The following PRUNE1 variants were observed in gnomAD, a reference collection of about 807,000 sequenced individuals.
PRUNE1 encodes exopolyphosphatase PRUNE1.
In PRUNE1, 25 loss-of-function variants were observed where a neutral mutation model predicts 42.5. The ratio of observed to expected loss-of-function variants is 0.59; its 90% CI spans 0.43 to 0.82. The LOEUF is 0.82. Ranked by LOEUF, PRUNE1 falls within the 40% of genes least tolerant of loss-of-function variation. PRUNE1 has a pLI of 0.00. For synonymous variants in PRUNE1, 203 were observed against 217.1 expected, an observed-to-expected ratio of 0.93 and a Z score of 0.57; for missense variants, 443 against 539.3, an observed-to-expected ratio of 0.82 and a Z score of 1.77.
Position 151,008,626 on chromosome 1 carries a change from C to T in PRUNE1, c.-7C>T. 6.2e-7 allele frequency: 1 copy of T among 1,614,204 alleles called. No homozygotes were observed. The highest frequency in any genetic ancestry group is 8.5e-7 in the Non-Finnish European group (1 of 1,180,034). On this transcript the variant is annotated 5_prime_UTR_variant, in exon 1 of 8. Transcript: ENST00000271620. The stretch of plus-strand genomic sequence containing the variant: ...ACCAGGGGCGACGGCGTACTTTGGG[C>T]TTCATCATGGAGGACTACCTGCAGG...
intron 1 of PRUNE1, 100 bp downstream of exon 1, chr1:151,008,771 AAC>A: frequency 6.9e-7 from 1 of 1,442,494 alleles, no homozygotes. Flanking sequence ...GTGTGGAGGG[AAC>A]ACTGAGTTGT....
chr1:151,028,702 C>A, intron 6 of PRUNE1, 84 bp from the exon 7 acceptor site: 1 of 1,429,728 alleles, frequency 7.0e-7, no homozygotes, highest in Admixed American at 1.9e-5. Flanking sequence ...GGATTATAGG[C>A]GTAAGCGACC....
Position 151,008,455 on chromosome 1 carries a change from T to G in PRUNE1, c.-178T>G, listed in dbSNP as rs991184885. 4 of 1,082,082 alleles carry G rather than the reference T, an allele frequency of 3.7e-6. No individual in the cohort carries two copies. The African/African-American group carries it at 4.7e-5, about 13-fold the overall frequency. The allele number at this position is 1,082,082 out of a possible 1,614,324, so 67.0% of individuals were successfully genotyped here. On this transcript the variant is annotated 5_prime_UTR_variant, in exon 1 of 8. Transcript: ENST00000271620. ...CGACGCCGGACTCCGGAGCGCCCGC[T>G]TACGCAGTTCCTCCCGGGGTCGGAG...
At chr1:151,027,001 G>T (rs1027394612) in intron 5 of PRUNE1, among the ~76,000 whole-genome samples, 3 of 151,894 alleles carry the variant, frequency 2.0e-5, no homozygotes, top group South Asian at 2.1e-4. Context: ...GACCAGGCTG[G>T]TCCCAAACTC....
chr1:151,023,315 A>G (rs1036815698), intron 3 of PRUNE1, among the ~76,000 whole-genome samples: 11 of 152,206 alleles, frequency 7.2e-5, no homozygotes, highest in African/African-American at 2.4e-4. Context: ...TTGAGGGCCT[A>G]GAGTGGGGCA....
intron 1 of PRUNE1, among the ~76,000 whole-genome samples, chr1:151,015,747 T>A (rs1211945863): frequency 1.3e-5 from 2 of 151,510 alleles, no homozygotes; most frequent in African/African-American, 4.9e-5. Flanking sequence ...GAGTCTGCAG[T>A]GAGCCGTGAT....
In PRUNE1 at chr1:151,018,487, C is replaced by G. The variant is rs759229162; in HGVS notation, c.153C>G (p.Val51=). The G allele has an allele frequency of 6.2e-7, 1 of 1,612,948 alleles. No individual in the cohort carries two copies. The highest frequency in any genetic ancestry group is 8.5e-7 in the Non-Finnish European group (1 of 1,179,048). ...YLAKTTEAEE[V]FVPVLNIKRS... ...TCTAGACAACTGAGGCTGAGGAAGT[C>G]TTTGTGCCAGTTTTAAATATAAAAC... The change falls in exon 3 of 8, where the codon GTC becomes GTG. Residue 51 remains valine (V), a synonymous_variant. Coordinates refer to ENST00000271620, the MANE Select transcript of PRUNE1 (RefSeq NM_021222.3).
chr1:151,029,998 T>C (rs1053793672), intron 7 of PRUNE1, among the ~76,000 whole-genome samples: 15 of 151,868 alleles, frequency 9.9e-5, no homozygotes, highest in African/African-American at 3.6e-4. Context: ...GTGCGGTGGC[T>C]CACACCTGTA....
chr1:151,032,526 T>G (rs1456859237), intron 7 of PRUNE1, among the ~76,000 whole-genome samples: 1 of 151,920 alleles, frequency 6.6e-6, no homozygotes, highest in Non-Finnish European at 1.5e-5. Flanking sequence ...CCAGCCTGGC[T>G]AACATGGTGT....
Position 151,017,817 on chromosome 1 carries a change from C to G in PRUNE1, c.45C>G (p.Ser15=). ...CCATTTTCCTTTCTCTCCAGGAGTC[C>G]CGACCTCTACATGTTGTGCTGGGAA... ...LQGCRAALQE[S]RPLHVVLGNE... Residue 15 remains serine, a synonymous_variant, in exon 2 of 8, where the codon TCC becomes TCG. Coordinates refer to ENST00000271620, the MANE Select transcript of PRUNE1 (RefSeq NM_021222.3). 1.3e-6 allele frequency: 2 copies of G among 1,584,682 alleles called. No homozygotes were observed. The highest frequency in any genetic ancestry group is 1.7e-6 in the Non-Finnish European group (2 of 1,153,974).
At chr1:151,027,450 T>C (rs1674923492) in intron 6 of PRUNE1, 123 bp downstream of exon 6, 2 of 680,624 alleles carry the variant, frequency 2.9e-6, no homozygotes, top group African/African-American at 3.6e-5. Context: ...TCTTTGTCTC[T>C]ACCTCCACTG....
chr1:151,023,415 G>A (rs1674600349), intron 3 of PRUNE1, among the ~76,000 whole-genome samples: 1 of 151,776 alleles, frequency 6.6e-6, no homozygotes, highest in South Asian at 2.1e-4. Flanking sequence ...AGTATTGAGT[G>A]GGTTATAAAA....
intron 7 of PRUNE1, among the ~76,000 whole-genome samples, chr1:151,031,193 G>GTT (rs777752037): frequency 3.4e-3 from 410 of 119,518 alleles, no homozygotes; most frequent in Non-Finnish European, 4.6e-3. Context: ...GTGTGTGTGT[G>GTT]TTTTTTTTTT....
rs946516441 is a variant in PRUNE1, at chr1:151,025,604, C to T, written c.610C>T (p.Leu204Phe). 1 of 1,613,700 alleles carries T rather than the reference C, an allele frequency of 6.2e-7. No homozygotes were observed. The highest frequency in any genetic ancestry group is 8.5e-7 in the Non-Finnish European group (1 of 1,179,798). Reference protein sequence around the residue: ...DSKYVEKLEALFPDLPKRNDI... With the variant: ...DSKYVEKLEAFFPDLPKRNDI... Reference sequence around the variant, plus strand: ...CAAATATGTGGAGAAACTAGAGGCCCTTTTCCCAGACCTACCCAAGAGAAA... The same window carrying T: ...CAAATATGTGGAGAAACTAGAGGCCTTTTTCCCAGACCTACCCAAGAGAAA... Residue 204 changes from leucine (L) to phenylalanine (F), a missense_variant, in exon 5 of 8, where the codon CTT (leucine) becomes TTT (phenylalanine). By Grantham distance (22) the Leu-to-Phe change is conservative (BLOSUM62 0). Coordinates refer to ENST00000271620, the MANE Select transcript of PRUNE1 (RefSeq NM_021222.3).
At chr1:151,023,905 G>C (rs75402164) in intron 3 of PRUNE1, among the ~76,000 whole-genome samples, 24,312 of 151,764 alleles carry the variant, frequency 0.16, 2,439 homozygotes, top group East Asian at 0.42. Flanking sequence ...AAGAATTGCT[G>C]GGCGCGGTGG....
At chr1:151,019,835 TA>T (rs1480336175) in intron 3 of PRUNE1, among the ~76,000 whole-genome samples, 1 of 148,564 alleles carries the variant, frequency 6.7e-6, no homozygotes, top group Non-Finnish European at 1.5e-5. Context: ...TTTAATTAAT[TA>T]TTTTTTTTTG....
chr1:151,024,733 C>A lies in PRUNE1; in HGVS notation c.458C>A (p.Thr153Asn). 1 of 1,614,120 alleles carries A rather than the reference C, an allele frequency of 6.2e-7. No homozygotes were observed. Among genetic ancestry groups the A allele is most frequent in the Non-Finnish European group, 8.5e-7 (1 of 1,180,012 alleles). ...GTGGGGTCCTGTGCTACCCTGGTGA[C>A]CGAGAGAATCCTGCAGGGGGCACCA... is the stretch of plus-strand genomic sequence containing the variant. ...ELVGSCATLV[T>N]ERILQGAPEI... The change falls in exon 4 of 8, where the codon ACC becomes AAC. Residue 153 changes from threonine to asparagine, a missense_variant. Thr to Asn is a moderately conservative substitution (Grantham distance 65, BLOSUM62 0). Transcript: ENST00000271620.
intron 1 of PRUNE1, among the ~76,000 whole-genome samples, chr1:151,010,310 C>T (rs1177241429): frequency 6.6e-6 from 1 of 152,156 alleles, no homozygotes; most frequent in East Asian, 1.9e-4. Context: ...TTTCAAACTC[C>T]TGGACTCAAA....
At chr1:151,027,673 C>G (rs1248856199) in intron 6 of PRUNE1, among the ~76,000 whole-genome samples, 1 of 150,188 alleles carries the variant, frequency 6.7e-6, no homozygotes, top group African/African-American at 2.5e-5. Flanking sequence ...CCTCAACCTT[C>G]CAGGCTCAAG....
Sources: allele counts gnomAD v4.1 joint callset (sites outside exome capture counted in the v4.1 genomes callset), GRCh38; gene constraint gnomAD v4.1.1; transcripts MANE v1.5; gene names NCBI Gene and HGNC (gene_info 2026-07-23, HGNC 2026-07-21).